Variants in MLLT3 observed in about 807,000 individuals in gnomAD.
The protein encoded by MLLT3 is protein AF-9.
Under a neutral mutation model 53.2 loss-of-function variants are expected in MLLT3, and 4 were observed. That is an observed-to-expected ratio of 0.08 (90% CI 0.04 to 0.17). The LOEUF (loss-of-function observed/expected upper bound fraction) is 0.17. Among genes scored for constraint, MLLT3 ranks in the 10% least tolerant of loss-of-function variants. The probability of loss-of-function intolerance (pLI) is 1.00; values close to 1 mark genes in which losing one functional copy is unlikely to be tolerated. For missense variants in MLLT3, 569 were observed against 684.0 expected, an observed-to-expected ratio of 0.83 and a Z score of 1.87; for synonymous variants, 283 against 230.6, an observed-to-expected ratio of 1.23 and a Z score of -2.06.
chr9:20,602,110 C>T (rs188995046), intron 2 of MLLT3, among the ~76,000 whole-genome samples: 3 of 152,188 alleles, frequency 2.0e-5, no homozygotes, highest in Admixed American at 6.5e-5. Flanking sequence ...TTCCCCCTCA[C>T]GATAATTTAA....
intron 5 of MLLT3, among the ~76,000 whole-genome samples, chr9:20,406,267 C>T (rs2118757518): frequency 6.6e-6 from 1 of 152,176 alleles, no homozygotes; most frequent in South Asian, 2.1e-4. Context: ...AAGTCTTCTC[C>T]CACTGACCCC....
At chr9:20,555,820 T>C (rs867457166) in intron 2 of MLLT3, among the ~76,000 whole-genome samples, 17 of 152,210 alleles carry the variant, frequency 1.1e-4, no homozygotes, top group African/African-American at 3.9e-4. Flanking sequence ...TCTAGACGTC[T>C]AAAAGGGAAC....
At chr9:20,359,186 G>T (rs1229240490) in intron 8 of MLLT3, among the ~76,000 whole-genome samples, 3 of 147,680 alleles carry the variant, frequency 2.0e-5, no homozygotes, top group Admixed American at 1.3e-4. Context: ...TCTCACCAAG[G>T]TTCAAATTCT....
intron 2 of MLLT3, among the ~76,000 whole-genome samples, chr9:20,578,988 G>C (rs10811369): frequency 0.065 from 9,903 of 152,154 alleles, 484 homozygotes; most frequent in South Asian, 0.19. Context: ...ACTGTGACTT[G>C]CATTATATTT....
intron 2 of MLLT3, among the ~76,000 whole-genome samples, chr9:20,596,860 T>C (rs1042980141): frequency 2.0e-5 from 3 of 152,202 alleles, no homozygotes. Context: ...AGGGACTGTA[T>C]GTAACCTGAA....
At chr9:20,399,887 G>T (rs1302940493) in intron 5 of MLLT3, among the ~76,000 whole-genome samples, 1 of 152,064 alleles carries the variant, frequency 6.6e-6, no homozygotes, top group Non-Finnish European at 1.5e-5. Flanking sequence ...ACTACTGCTG[G>T]TTTGGGGGGA....
intron 2 of MLLT3, among the ~76,000 whole-genome samples, chr9:20,591,446 C>A (rs770812662): frequency 5.0e-4 from 76 of 152,138 alleles, no homozygotes; most frequent in Non-Finnish European, 3.4e-4. Flanking sequence ...AGCCACAGAA[C>A]GACTCAGCCT....
chr9:20,473,810 C>G (rs1824454238), intron 2 of MLLT3, among the ~76,000 whole-genome samples: 1 of 152,074 alleles, frequency 6.6e-6, no homozygotes, highest in Non-Finnish European at 1.5e-5. Context: ...ATAATGGACT[C>G]AAAGCCTGGC....
intron 2 of MLLT3, among the ~76,000 whole-genome samples, chr9:20,478,872 CAGAGG>C (rs1439790963): frequency 1.3e-5 from 2 of 152,112 alleles, no homozygotes; most frequent in Non-Finnish European, 2.9e-5. Context: ...GGAACTTCAG[CAGAGG>C]TGAAGTTCCA....
At chr9:20,365,556 G>A in intron 6 of MLLT3, 113 bp downstream of exon 6, 1 of 1,201,488 alleles carries the variant, frequency 8.3e-7, no homozygotes, top group South Asian at 1.3e-5. Context: ...CACCGTGTTA[G>A]CTAGGATGGT....
chr9:20,556,586 G>A (rs994393837), intron 2 of MLLT3, among the ~76,000 whole-genome samples: 1 of 152,134 alleles, frequency 6.6e-6, no homozygotes, highest in Non-Finnish European at 1.5e-5. Flanking sequence ...AGGAGGCTGA[G>A]CCAGAAAAAT....
intron 3 of MLLT3, among the ~76,000 whole-genome samples, chr9:20,450,850 G>T (rs55656749): frequency 6.6e-6 from 1 of 152,090 alleles, no homozygotes; most frequent in Admixed American, 6.6e-5. Flanking sequence ...ATTTTAAAAG[G>T]AGGGCAGTTT....
At chr9:20,416,303 T>C (rs1822870062) in intron 4 of MLLT3, among the ~76,000 whole-genome samples, 1 of 152,036 alleles carries the variant, frequency 6.6e-6, no homozygotes, top group Non-Finnish European at 1.5e-5. Context: ...AGTATCACTG[T>C]TTAATATTCA....
chr9:20,607,339 C>T (rs973774915), intron 2 of MLLT3, among the ~76,000 whole-genome samples: 7 of 152,124 alleles, frequency 4.6e-5, no homozygotes, highest in Admixed American at 3.3e-4. Context: ...GCCATCTGTA[C>T]TCATTGTGCC....
intron 2 of MLLT3, among the ~76,000 whole-genome samples, chr9:20,584,320 T>C (rs1223386865): frequency 6.6e-6 from 1 of 152,184 alleles, no homozygotes; most frequent in Non-Finnish European, 1.5e-5. Context: ...GTTCCAAACT[T>C]ACCCACATTT....
At position 20,414,378 on chromosome 9, in the gene MLLT3, A is replaced by ACTGCTG. The variant is rs373338988; in HGVS notation, c.462_467dup (p.Ser189_Ser190dup). The ACTGCTG allele has an allele frequency of 1.5e-5, 21 of 1,395,396 alleles. No individual in the cohort carries two copies. The highest frequency in any genetic ancestry group is 7.3e-5 in the African/African-American group (5 of 68,154). The allele number at this position is 1,395,396 out of a possible 1,614,324, so 86.4% of individuals were successfully genotyped here. On this transcript the variant is annotated inframe_insertion, in exon 5 of 11. Coordinates refer to ENST00000380338, the MANE Select transcript of MLLT3 (RefSeq NM_004529.4). ...TGCTGCTGCTGCTGCTGCTGCTGCTACTGCTGCTGCTGCTGCTGCTGCTGG... is the reference window on the plus strand; with the variant it reads ...TGCTGCTGCTGCTGCTGCTGCTGCTACTGCTGCTGCTGCTGCTGCTGCTGCTGCTGG...
chr9:20,552,904 TG>T (rs1483118667), intron 2 of MLLT3, among the ~76,000 whole-genome samples: 1 of 152,138 alleles, frequency 6.6e-6, no homozygotes, highest in Non-Finnish European at 1.5e-5. Context: ...ACAACCTAAA[TG>T]TTTTTTATAT....
At chr9:20,358,785 T>A (rs563921920) in intron 8 of MLLT3, among the ~76,000 whole-genome samples, 22 of 152,264 alleles carry the variant, frequency 1.4e-4, no homozygotes, top group African/African-American at 5.3e-4. Flanking sequence ...GCCACTGCTG[T>A]GCCCATGACG....
At chr9:20,589,027 C>T (rs1404856740) in intron 2 of MLLT3, among the ~76,000 whole-genome samples, 3 of 151,126 alleles carry the variant, frequency 2.0e-5, no homozygotes, top group Non-Finnish European at 4.4e-5. Context: ...GACAGTGTGG[C>T]GATTCCTCAG....
Sources: allele counts gnomAD v4.1 joint callset (sites outside exome capture counted in the v4.1 genomes callset), GRCh38; gene constraint gnomAD v4.1.1; transcripts MANE v1.5; gene names NCBI Gene and HGNC (gene_info 2026-07-23, HGNC 2026-07-21).